The following SYNE1 variants were observed in gnomAD, a reference collection of about 807,000 sequenced individuals.
The protein encoded by SYNE1 is nesprin-1.
In SYNE1, 616 loss-of-function variants were observed where a neutral mutation model predicts 1,111.0. The ratio of observed to expected loss-of-function variants is 0.55; its 90% CI spans 0.52 to 0.59. The LOEUF (loss-of-function observed/expected upper bound fraction) is 0.59, where lower values mean the gene tolerates loss of function less well. SYNE1 is among the 20% of genes least tolerant of loss of function. SYNE1 has a pLI of 0.00. For synonymous variants in SYNE1, 3,855 were observed against 3,825.8 expected (o/e 1.01, Z -0.28); for missense variants, 10,006 against 10,417.0 (o/e 0.96, Z 1.72).
chr6:152,416,359 C>A (rs2098154891), intron 41 of SYNE1, 28 bp downstream of exon 41: 1 of 1,612,250 alleles, frequency 6.2e-7, no homozygotes, highest in Non-Finnish European at 8.5e-7. Context: ...AGAAAAGAGA[C>A]AAGTGGCCGT....
chr6:152,533,763 T>G (rs975086752), intron 4 of SYNE1, among the ~76,000 whole-genome samples: 1 of 152,196 alleles, frequency 6.6e-6, no homozygotes, highest in Admixed American at 6.5e-5. Flanking sequence ...ATGGTTATTT[T>G]TTTTTCTGTT....
chr6:152,229,369 A>T (rs2082245778), intron 115 of SYNE1, among the ~76,000 whole-genome samples: 1 of 152,202 alleles, frequency 6.6e-6, no homozygotes, highest in East Asian at 1.9e-4. Context: ...ACCTGTGGAA[A>T]GACTGTGTGT....
In SYNE1 at chr6:152,231,806, A is replaced by G. The variant is rs1106579; in HGVS notation, c.20863-239T>C. 0.13 allele frequency among the ~76,000 whole-genome samples: 17,740 copies of G among 141,850 alleles called. 1,636 individuals are homozygous for G. Among genetic ancestry groups the G allele is most frequent in the African/African-American group, 0.28 (10,729 of 38,248 alleles). The allele number at this position is 141,850 out of a possible 152,430, so 93.1% of individuals were successfully genotyped here. A position where few individuals can be genotyped will look rare whatever the true frequency, so the allele number is the denominator to read the frequency against. On this transcript the variant is annotated intron_variant, in intron 113 of 145. Transcript: ENST00000367255. ...TGTATGTGTGTGTGTGTGTGTGTAT[A>G]TATATATTTAGGTAGAAGATTTAGA...
At chr6:152,153,558 T>C (rs2060820327) in intron 133 of SYNE1, among the ~76,000 whole-genome samples, 11 of 152,258 alleles carry the variant, frequency 7.2e-5, no homozygotes, top group Admixed American at 7.2e-4. Context: ...AAGAATCTTA[T>C]ATAATCTGCT....
At chr6:152,202,396 G>A (rs1483191928) in intron 126 of SYNE1, among the ~76,000 whole-genome samples, 17 of 144,450 alleles carry the variant, frequency 1.2e-4, no homozygotes, top group Admixed American at 5.6e-4. Context: ...ACAAAGTTGC[G>A]CTGATGAACA....
Position 152,391,580 on chromosome 6 carries a change from G to GAAA in SYNE1, c.7713-15_7713-13dup, listed in dbSNP as rs756232172. ...TATCAAGAGACTCTCTGAAAAAAAG[G>GAAA]AAAAAAAAAAAAAAGAAAAAAAATT... is the stretch of plus-strand genomic sequence containing the variant. On this transcript the variant is annotated splice_polypyrimidine_tract_variant and intron_variant, in intron 51 of 145. Coordinates refer to ENST00000367255, the MANE Select transcript of SYNE1 (RefSeq NM_182961.4). 4.9e-4 allele frequency: 661 copies of GAAA among 1,338,142 alleles called. 8 individuals carry two copies. The highest frequency in any genetic ancestry group is 1.7e-3 in the East Asian group (62 of 36,242). 82.9% of individuals were successfully genotyped at this position (1,338,142 alleles called of 1,614,324 possible).
chr6:152,239,748 A>G lies in SYNE1; in HGVS notation c.19894-42T>C, dbSNP rs1182977900. The G allele has an allele frequency of 3.1e-6, 5 of 1,611,760 alleles. No individual in the cohort carries two copies. In the South Asian group the frequency reaches 4.4e-5, roughly 14 times the overall value. ...AGAAAGAAGTCAGCAACTCATTCAT[A>G]TATTATGTTAGAATCAAAATTGGTT... On this transcript the variant is annotated intron_variant, in intron 107 of 145. Coordinates refer to ENST00000367255, the MANE Select transcript of SYNE1 (RefSeq NM_182961.4).
chr6:152,151,478 T>C (rs2060405357), intron 135 of SYNE1, 75 bp downstream of exon 135: 19 of 1,586,012 alleles, frequency 1.2e-5, no homozygotes, highest in Non-Finnish European at 1.5e-5. Flanking sequence ...TTTGCTATGT[T>C]CTTCACAAAA....
rs1442986217 is a variant in SYNE1, at chr6:152,575,299, C to T, written c.68-35278G>A. Among the ~76,000 whole-genome samples, 3 of 152,154 alleles carry T rather than the reference C, an allele frequency of 2.0e-5. No individual in the cohort carries two copies. The East Asian group carries it at 5.8e-4, about 29-fold the overall frequency. On this transcript the variant is annotated intron_variant, in intron 3 of 145. Coordinates refer to ENST00000367255, the MANE Select transcript of SYNE1 (RefSeq NM_182961.4). Reference sequence around the variant, plus strand: ...TTAGTGGTCTGGGCTGAATTACATGCCTCTAGATTTGTATCTGTCAAAATG... The same window carrying T: ...TTAGTGGTCTGGGCTGAATTACATGTCTCTAGATTTGTATCTGTCAAAATG...
At chr6:152,356,132 T>C (rs1047433415) in intron 66 of SYNE1, among the ~76,000 whole-genome samples, 3 of 152,080 alleles carry the variant, frequency 2.0e-5, no homozygotes, top group Admixed American at 1.3e-4. Flanking sequence ...GGCCTGATAG[T>C]AAATAATTTG....
chr6:152,255,568 C>G, intron 103 of SYNE1, 23 bp downstream of exon 103: 1 of 1,613,346 alleles, frequency 6.2e-7, no homozygotes, highest in Non-Finnish European at 8.5e-7. Context: ...TATACACACA[C>G]AGGCAGGAAC....
At chr6:152,162,141 T>C (rs1304415094) in intron 131 of SYNE1, among the ~76,000 whole-genome samples, 1 of 152,218 alleles carries the variant, frequency 6.6e-6, no homozygotes, top group African/African-American at 2.4e-5. Flanking sequence ...GCACACCTTA[T>C]TCAGATTTTC....
In SYNE1 at chr6:152,435,929, T is replaced by G; in HGVS notation, c.4310+12A>C. 2 of 1,614,062 alleles carry G rather than the reference T, an allele frequency of 1.2e-6. No homozygotes were observed. Among genetic ancestry groups the G allele is most frequent in the Non-Finnish European group, 1.7e-6 (2 of 1,179,986 alleles). On this transcript the variant is annotated intron_variant, in intron 33 of 145. Transcript: ENST00000367255. Reference sequence around the variant, plus strand: ...CTCAGAGAAGAAAGTTTAGGACTTGTCAATCACATACTCTTCTTCAAGCGT... The same window carrying G: ...CTCAGAGAAGAAAGTTTAGGACTTGGCAATCACATACTCTTCTTCAAGCGT...
intron 123 of SYNE1, among the ~76,000 whole-genome samples, chr6:152,213,346 T>C (rs2077903866): frequency 6.6e-6 from 1 of 152,188 alleles, no homozygotes. Flanking sequence ...CTCGAGTAAG[T>C]AGCCTTTAAC....
At chr6:152,432,988 T>C (rs981130805) in intron 34 of SYNE1, among the ~76,000 whole-genome samples, 2 of 151,812 alleles carry the variant, frequency 1.3e-5, no homozygotes, top group South Asian at 4.2e-4. Context: ...ACCCTCCACA[T>C]GGTAACGACT....
chr6:152,602,644 A>G (rs975974548), intron 3 of SYNE1, among the ~76,000 whole-genome samples: 2 of 152,188 alleles, frequency 1.3e-5, no homozygotes, highest in African/African-American at 2.4e-5. Context: ...CTCTGATTAT[A>G]TGTGTTTTTG....
chr6:152,122,979 C>G (rs927618120), intron 145 of SYNE1, among the ~76,000 whole-genome samples: 3 of 152,222 alleles, frequency 2.0e-5, no homozygotes, highest in African/African-American at 7.2e-5. Context: ...AATAACTGCT[C>G]TATACACATT....
chr6:152,355,051 C>T lies in SYNE1; in HGVS notation c.10609-75G>A. 4.6e-6 allele frequency: 7 copies of T among 1,520,014 alleles called. No individual in the cohort carries two copies. The South Asian group carries it at 6.7e-5, about 15-fold the overall frequency. The allele number at this position is 1,520,014 out of a possible 1,614,324, so 94.2% of individuals were successfully genotyped here. On this transcript the variant is annotated intron_variant, in intron 66 of 145. Transcript: ENST00000367255. ...CATGGGTTAGCATGTCTTGCCCAAG[C>T]CAACTGTGCCCACTTGAACTTCTCA...
chr6:152,635,734 C>G (rs2099704883), intron 2 of SYNE1, among the ~76,000 whole-genome samples: 1 of 152,178 alleles, frequency 6.6e-6, no homozygotes, highest in Non-Finnish European at 1.5e-5. Flanking sequence ...TTTTAACTTT[C>G]TTAACATTCA....
Sources: allele counts gnomAD v4.1 joint callset (sites outside exome capture counted in the v4.1 genomes callset), GRCh38; gene constraint gnomAD v4.1.1; transcripts MANE v1.5; gene names NCBI Gene and HGNC (gene_info 2026-07-23, HGNC 2026-07-21).